The following MYO1B variants were observed in gnomAD, a reference collection of about 807,000 sequenced individuals.
MYO1B encodes myosin IB.
A neutral mutation model predicts 159.7 loss-of-function variants in MYO1B; 72 were observed. That is an observed-to-expected ratio of 0.45 (90% CI 0.37 to 0.55). The LOEUF (loss-of-function observed/expected upper bound fraction) is 0.55, where lower values mean the gene tolerates loss of function less well. MYO1B is among the 20% of genes least tolerant of loss of function. The pLI, the probability that MYO1B is intolerant of heterozygous loss-of-function variation, is 0.00. For synonymous variants in MYO1B, 468 were observed against 473.8 expected, an observed-to-expected ratio of 0.99 and a Z score of 0.16; for missense variants, 1,062 against 1,364.8, an observed-to-expected ratio of 0.78 and a Z score of 3.50.
At chr2:191,280,411 C>G (rs1384709801) in intron 2 of MYO1B, among the ~76,000 whole-genome samples, 1 of 152,228 alleles carries the variant, frequency 6.6e-6, no homozygotes, top group Non-Finnish European at 1.5e-5. Flanking sequence ...GACTTACTGT[C>G]TGCTTTGCCT....
chr2:191,330,929 A>G (rs1453788860), intron 4 of MYO1B, among the ~76,000 whole-genome samples: 1 of 152,228 alleles, frequency 6.6e-6, no homozygotes, highest in Non-Finnish European at 1.5e-5. Context: ...CCCATTGATC[A>G]AGAGAAGAAA....
At chr2:191,296,770 C>G (rs1333677510) in intron 3 of MYO1B, among the ~76,000 whole-genome samples, 1 of 152,222 alleles carries the variant, frequency 6.6e-6, no homozygotes, top group Non-Finnish European at 1.5e-5. Flanking sequence ...ATAATTCCTT[C>G]ACAGTACCTG....
chr2:191,413,830 C>T (rs1467146973), intron 27 of MYO1B, among the ~76,000 whole-genome samples: 1 of 152,080 alleles, frequency 6.6e-6, no homozygotes, highest in Non-Finnish European at 1.5e-5. Flanking sequence ...TCCTGCCCAC[C>T]AAATGCCATG....
rs772040600 is a variant in MYO1B, at chr2:191,414,713, T to C, written c.3159+44T>C. On this transcript the variant is annotated intron_variant, in intron 29 of 30. Coordinates refer to ENST00000392318, the MANE Select transcript of MYO1B (RefSeq NM_001130158.3). ...ATTTCTGTGCTTAATCTCTCAGCCA[T>C]TGATTTAAAAAATTTCCATATCTGA... The C allele has an allele frequency of 1.1e-5, 17 of 1,559,224 alleles. No homozygotes were observed. The Middle Eastern group carries it at 1.0e-3, about 93-fold the overall frequency.
chr2:191,360,877 G>T (rs759271662), intron 8 of MYO1B, 148 bp downstream of exon 8: 5 of 582,728 alleles, frequency 8.6e-6, no homozygotes, highest in Non-Finnish European at 1.5e-5. Flanking sequence ...AGAGTGCTAG[G>T]ATTACAGGCA....
At chr2:191,248,624 T>C (rs1685929419) in intron 1 of MYO1B, among the ~76,000 whole-genome samples, 1 of 152,118 alleles carries the variant, frequency 6.6e-6, no homozygotes. Flanking sequence ...TTCAAAATTC[T>C]AAGTATGATT....
At chr2:191,404,116 C>CT (rs35309629) in intron 24 of MYO1B, among the ~76,000 whole-genome samples, 1 of 151,518 alleles carries the variant, frequency 6.6e-6, no homozygotes, top group Admixed American at 6.6e-5. Flanking sequence ...TAATTTTGTA[C>CT]TTTTTTTTTC....
At chr2:191,250,779 C>T (rs572462173) in intron 1 of MYO1B, among the ~76,000 whole-genome samples, 1 of 152,186 alleles carries the variant, frequency 6.6e-6, no homozygotes, top group East Asian at 1.9e-4. Flanking sequence ...CCTCAAAGAC[C>T]CCTTTGCTTT....
intron 11 of MYO1B, 124 bp downstream of exon 11, chr2:191,364,400 G>C: frequency 1.4e-6 from 1 of 729,562 alleles, no homozygotes; most frequent in Non-Finnish European, 2.3e-6. Context: ...TAGGCATTGG[G>C]AACAGAGCAG....
At chr2:191,270,657 G>C (rs980800052) in intron 1 of MYO1B, among the ~76,000 whole-genome samples, 2 of 152,130 alleles carry the variant, frequency 1.3e-5, no homozygotes, top group Non-Finnish European at 2.9e-5. Context: ...ATTATATTAG[G>C]TACTGAACCA....
At chr2:191,283,967 A>T (rs1370037074) in intron 2 of MYO1B, among the ~76,000 whole-genome samples, 2 of 152,244 alleles carry the variant, frequency 1.3e-5, no homozygotes, top group Non-Finnish European at 2.9e-5. Context: ...TAGAGCAAGG[A>T]CATTCATTTC....
chr2:191,329,582 T>TG (rs1490394749), intron 3 of MYO1B, among the ~76,000 whole-genome samples: 1 of 148,352 alleles, frequency 6.7e-6, no homozygotes, highest in Non-Finnish European at 1.5e-5. Flanking sequence ...TATAAATAAA[T>TG]AAATTATTTA....
chr2:191,260,839 T>C (rs946505292), intron 1 of MYO1B, among the ~76,000 whole-genome samples: 1 of 152,226 alleles, frequency 6.6e-6, no homozygotes. Flanking sequence ...TGAAGTGTTA[T>C]TTTTGTGCTT....
rs558974876 is a variant in MYO1B, at chr2:191,403,533, T to C, written c.2556+815T>C. Among the ~76,000 whole-genome samples, 604 of 152,342 alleles carry C rather than the reference T, an allele frequency of 4.0e-3. 1 individual carries two copies. The highest frequency in any genetic ancestry group is 6.4e-3 in the Non-Finnish European group (433 of 68,032). On this transcript the variant is annotated intron_variant, in intron 24 of 30. Transcript: ENST00000392318. ...TTTCTGACAGTATTCCTTATCATTG[T>C]TTTTACTTTAATCCTATGACATTTA...
intron 14 of MYO1B, 32 bp downstream of exon 14, chr2:191,381,598 G>T (rs751800637): frequency 6.0e-6 from 9 of 1,491,646 alleles, no homozygotes; most frequent in South Asian, 1.1e-5. Context: ...TAAAAGTGTT[G>T]GTCCTTTTTT....
intron 2 of MYO1B, among the ~76,000 whole-genome samples, chr2:191,277,468 T>C (rs1687821511): frequency 6.6e-6 from 1 of 152,178 alleles, no homozygotes; most frequent in South Asian, 2.1e-4. Flanking sequence ...AGGAGCAGAT[T>C]ATCAGATAAA....
intron 1 of MYO1B, among the ~76,000 whole-genome samples, chr2:191,274,252 T>A (rs73058647): frequency 0.014 from 2,198 of 152,370 alleles, 53 homozygotes; most frequent in African/African-American, 0.05. Flanking sequence ...CTTCACTGTT[T>A]ACCAGTTACC....
chr2:191,280,412 T>G (rs1687988833), intron 2 of MYO1B, among the ~76,000 whole-genome samples: 1 of 152,378 alleles, frequency 6.6e-6, no homozygotes, highest in South Asian at 2.1e-4. Flanking sequence ...ACTTACTGTC[T>G]GCTTTGCCTT....
At chr2:191,274,132 TAAAC>T (rs1559132384) in intron 1 of MYO1B, among the ~76,000 whole-genome samples, 2 of 152,174 alleles carry the variant, frequency 1.3e-5, no homozygotes, top group African/African-American at 4.8e-5. Flanking sequence ...GCTAAAAAGA[TAAAC>T]AAAACAAAGC....
Sources: gnomAD v4.1 joint callset for allele counts (sites outside exome capture counted in the v4.1 genomes callset) on GRCh38, gnomAD v4.1.1 for gene constraint, MANE v1.5 for transcripts, NCBI Gene and HGNC (gene_info 2026-07-23, HGNC 2026-07-21) for gene names.